Variants in EYA1 observed in about 807,000 individuals in gnomAD.
EYA1 encodes the protein protein phosphatase EYA1.
EYA1 carries 16 observed loss-of-function variants against 82.0 expected under a neutral mutation model. The observed-to-expected ratio is 0.20, with a 90% CI of 0.13 to 0.30. EYA1 has a LOEUF of 0.30. Ranked by LOEUF, EYA1 falls within the 10% of genes least tolerant of loss-of-function variation. The pLI is 1.00. For missense variants in EYA1, 633 were observed against 730.7 expected, an observed-to-expected ratio of 0.87 and a Z score of 1.54; for synonymous variants, 261 against 264.4, an observed-to-expected ratio of 0.99 and a Z score of 0.12.
intron 1 of EYA1, among the ~76,000 whole-genome samples, chr8:71,544,014 G>A (rs1185325855): frequency 6.6e-6 from 1 of 151,854 alleles, no homozygotes; most frequent in African/African-American, 2.4e-5. Context: ...TTGCCTGATG[G>A]AATCAGACTG....
chr8:71,393,316 T>G (rs918655148), intron 2 of EYA1, among the ~76,000 whole-genome samples: 4 of 152,094 alleles, frequency 2.6e-5, no homozygotes, highest in East Asian at 3.8e-4. Context: ...ATTATTATAC[T>G]TTAAGTTCTA....
chr8:71,495,043 A>G (rs1322580385), intron 2 of EYA1, among the ~76,000 whole-genome samples: 1 of 152,108 alleles, frequency 6.6e-6, no homozygotes, highest in Non-Finnish European at 1.5e-5. Context: ...ACTCAGGCAA[A>G]CCACCAACTC....
At chr8:71,424,339 G>A (rs1831304032) in intron 2 of EYA1, among the ~76,000 whole-genome samples, 1 of 152,210 alleles carries the variant, frequency 6.6e-6, no homozygotes, top group African/African-American at 2.4e-5. Flanking sequence ...AAATGGTAAT[G>A]AGAGTGTATA....
At chr8:71,297,567 C>G (rs1586236775) in intron 9 of EYA1, among the ~76,000 whole-genome samples, 1 of 152,054 alleles carries the variant, frequency 6.6e-6, no homozygotes, top group African/African-American at 2.4e-5. Context: ...TTCAAAACTC[C>G]TTTTAGTTTT....
intron 2 of EYA1, among the ~76,000 whole-genome samples, chr8:71,450,980 C>T (rs530516345): frequency 2.0e-5 from 3 of 152,142 alleles, no homozygotes; most frequent in Non-Finnish European, 4.4e-5. Flanking sequence ...CTAGCAAACA[C>T]GAATAAACAT....
At chr8:71,253,938 C>T (rs1586017154) in intron 11 of EYA1, among the ~76,000 whole-genome samples, 1 of 152,210 alleles carries the variant, frequency 6.6e-6, no homozygotes, top group East Asian at 1.9e-4. Context: ...CATCTCAAAA[C>T]TTCACCTCAG....
At chr8:71,542,839 T>G (rs1287814060) in intron 1 of EYA1, among the ~76,000 whole-genome samples, 1 of 152,226 alleles carries the variant, frequency 6.6e-6, no homozygotes, top group Non-Finnish European at 1.5e-5. Context: ...CTTCATATGA[T>G]TTTTGGCTAC....
chr8:71,532,345 T>C (rs781619062), intron 2 of EYA1, among the ~76,000 whole-genome samples: 2 of 152,164 alleles, frequency 1.3e-5, no homozygotes, highest in Non-Finnish European at 2.9e-5. Flanking sequence ...GCAGACATCA[T>C]GGAGCCAAAA....
At chr8:71,398,108 C>T (rs756983127) in intron 2 of EYA1, among the ~76,000 whole-genome samples, 12 of 152,088 alleles carry the variant, frequency 7.9e-5, no homozygotes, top group Admixed American at 2.6e-4. Flanking sequence ...GCATGTGTCA[C>T]GTAGTTCTTG....
At chr8:71,444,437 T>C (rs1172703236) in intron 2 of EYA1, among the ~76,000 whole-genome samples, 2 of 152,180 alleles carry the variant, frequency 1.3e-5, no homozygotes, top group Admixed American at 1.3e-4. Flanking sequence ...AGACCATAGA[T>C]TGAAAGGGGG....
intron 2 of EYA1, among the ~76,000 whole-genome samples, chr8:71,375,667 C>A (rs1867606): frequency 6.6e-6 from 1 of 151,876 alleles, no homozygotes; most frequent in Admixed American, 6.6e-5. Flanking sequence ...TTGTTCTTGT[C>A]GTCCAGGCTG....
chr8:71,424,215 T>C (rs2129152807), intron 2 of EYA1, among the ~76,000 whole-genome samples: 1 of 152,346 alleles, frequency 6.6e-6, no homozygotes, highest in Admixed American at 6.5e-5. Flanking sequence ...TTATCTGGCA[T>C]ACATTCCAAA....
At chr8:71,304,679 T>G (rs1173469353) in intron 7 of EYA1, among the ~76,000 whole-genome samples, 1 of 142,882 alleles carries the variant, frequency 7.0e-6, no homozygotes, top group African/African-American at 2.5e-5. Context: ...AGTATAACCT[T>G]TCTTCTTATA....
chr8:71,233,979 G>T (rs1454727328), intron 12 of EYA1, among the ~76,000 whole-genome samples: 1 of 152,318 alleles, frequency 6.6e-6, no homozygotes, highest in Non-Finnish European at 1.5e-5. Context: ...CCAGTGGGGG[G>T]TAGACCGAGG....
At chr8:71,466,571 G>A (rs1407238338) in intron 2 of EYA1, among the ~76,000 whole-genome samples, 1 of 152,118 alleles carries the variant, frequency 6.6e-6, no homozygotes, top group Non-Finnish European at 1.5e-5. Context: ...ATAGTTTTAT[G>A]TGAGCAGGTG....
intron 1 of EYA1, among the ~76,000 whole-genome samples, chr8:71,537,884 A>G (rs1814833491): frequency 6.6e-6 from 1 of 152,178 alleles, no homozygotes; most frequent in Admixed American, 6.5e-5. Flanking sequence ...TGAAGATGAA[A>G]CTATTCTGTA....
intron 9 of EYA1, among the ~76,000 whole-genome samples, chr8:71,293,523 T>C (rs2128990895): frequency 6.6e-6 from 1 of 152,164 alleles, no homozygotes; most frequent in East Asian, 1.9e-4. Context: ...CTCATGAACA[T>C]AAATGCAAAG....
intron 3 of EYA1, among the ~76,000 whole-genome samples, chr8:71,349,316 C>A (rs1318702109): frequency 6.6e-6 from 1 of 152,188 alleles, no homozygotes; most frequent in Non-Finnish European, 1.5e-5. Flanking sequence ...TAGGGAATGG[C>A]ATCATTCAGC....
At chr8:71,224,701 A>G (rs562958942) in intron 12 of EYA1, among the ~76,000 whole-genome samples, 1 of 152,370 alleles carries the variant, frequency 6.6e-6, no homozygotes, top group South Asian at 2.1e-4. Context: ...AAAAGAATGC[A>G]TATCTGTCTG....
Sources: gnomAD v4.1 joint callset for allele counts (sites outside exome capture counted in the v4.1 genomes callset) on GRCh38, gnomAD v4.1.1 for gene constraint, MANE v1.5 for transcripts, NCBI Gene and HGNC (gene_info 2026-07-23, HGNC 2026-07-21) for gene names.